Variants in RIPOR3 observed in about 807,000 individuals in gnomAD.
RIPOR3 encodes the protein RIPOR family member 3.
In RIPOR3, 95 loss-of-function variants were observed where a neutral mutation model predicts 114.3. That is an observed-to-expected ratio of 0.83 (90% CI 0.70 to 0.99). The LOEUF (loss-of-function observed/expected upper bound fraction) is 0.99. RIPOR3 is among the 50% of genes least tolerant of loss of function. The probability of loss-of-function intolerance (pLI) is 0.00; values close to 1 mark genes in which losing one functional copy is unlikely to be tolerated. For synonymous variants in RIPOR3, 575 were observed against 543.8 expected (o/e 1.06, Z -0.80); for missense variants, 1,252 against 1,266.9 (o/e 0.99, Z 0.18).
intron 20 of RIPOR3, among the ~76,000 whole-genome samples, chr20:50,589,049 T>A (rs1178165467): frequency 8.2e-6 from 1 of 121,340 alleles, no homozygotes; most frequent in African/African-American, 3.2e-5. Context: ...GCCACTGCAC[T>A]CCAGCCTGGG....
chr20:50,591,528 A>G (rs1483228845), intron 19 of RIPOR3, among the ~76,000 whole-genome samples: 1 of 152,188 alleles, frequency 6.6e-6, no homozygotes, highest in Non-Finnish European at 1.5e-5. Flanking sequence ...AAAAACAACC[A>G]CAAAGTAGGC....
At chr20:50,678,357 A>G (rs2086743705) in intron 1 of RIPOR3, among the ~76,000 whole-genome samples, 1 of 152,210 alleles carries the variant, frequency 6.6e-6, no homozygotes, top group Admixed American at 6.5e-5. Flanking sequence ...AGATGGACAC[A>G]GCAGGAATCT....
At chr20:50,663,523 A>G (rs2086076671) in intron 1 of RIPOR3, among the ~76,000 whole-genome samples, 1 of 152,132 alleles carries the variant, frequency 6.6e-6, no homozygotes, top group African/African-American at 2.4e-5. Context: ...TTAGGATAAC[A>G]TATGTGAAGG....
chr20:50,665,707 A>G (rs990790073), intron 1 of RIPOR3, among the ~76,000 whole-genome samples: 8 of 152,088 alleles, frequency 5.3e-5, no homozygotes, highest in Non-Finnish European at 1.0e-4. Context: ...GGCATGAGCC[A>G]CTGTGCCTGC....
chr20:50,596,961 TTTTTCTTTTTC>T (rs2083314249), intron 14 of RIPOR3: 1 of 151,388 alleles, frequency 6.6e-6, no homozygotes, highest in South Asian at 2.1e-4. Context: ...AAGAGCTTTT[TTTTTCTTTTTC>T]TTTTTCTTTT....
intron 1 of RIPOR3, among the ~76,000 whole-genome samples, chr20:50,678,513 T>C (rs78746278): frequency 6.7e-4 from 102 of 152,302 alleles, no homozygotes; most frequent in Non-Finnish European, 1.2e-3. Context: ...GCCAAGGTTA[T>C]CATGGGGTTC....
intron 2 of RIPOR3, among the ~76,000 whole-genome samples, chr20:50,622,802 G>A (rs1228537706): frequency 6.6e-6 from 1 of 152,156 alleles, no homozygotes; most frequent in African/African-American, 2.4e-5. Context: ...CCAAGGCTCT[G>A]TCTTTTCACT....
At chr20:50,606,009 G>C (rs887655515) in intron 11 of RIPOR3, among the ~76,000 whole-genome samples, 1 of 152,160 alleles carries the variant, frequency 6.6e-6, no homozygotes, top group African/African-American at 2.4e-5. Context: ...TTCGAGACCA[G>C]CCTGGCCAAC....
At chr20:50,597,380 T>C (rs2083329545) in intron 14 of RIPOR3, 200 bp downstream of exon 14, 1 of 703,788 alleles carries the variant, frequency 1.4e-6, no homozygotes. Context: ...TCTCACCCAC[T>C]TCGTGGTCTC....
In RIPOR3 at chr20:50,620,033, C is replaced by T. The variant is rs2084337675; in HGVS notation, c.222G>A (p.Lys74=). 3.7e-6 allele frequency: 6 copies of T among 1,613,820 alleles called. No individual in the cohort carries two copies. The highest frequency in any genetic ancestry group is 5.1e-6 in the Non-Finnish European group (6 of 1,179,702). ...CGAAGATCTTCTTCACCTGCTGGGG[C>T]TTCGGGTCTGCACAGACCGACCCCT... ...LRKGSVCADP[K]PQQVKKIFEA... Residue 74 remains lysine, a synonymous_variant, in exon 3 of 22, where the codon AAG becomes AAA. Coordinates refer to ENST00000327979, the MANE Select transcript of RIPOR3 (RefSeq NM_001290268.2).
At chr20:50,608,002 G>A (rs1256469079) in intron 11 of RIPOR3, among the ~76,000 whole-genome samples, 44 of 152,282 alleles carry the variant, frequency 2.9e-4, no homozygotes, top group South Asian at 2.1e-4. Flanking sequence ...GCAGGTGACC[G>A]CTCAGCCCCA....
chr20:50,606,272 G>A (rs1343549903), intron 11 of RIPOR3, among the ~76,000 whole-genome samples: 6 of 152,250 alleles, frequency 3.9e-5, no homozygotes, highest in Admixed American at 6.5e-5. Context: ...GATGGTGAGG[G>A]ACAGTGACTG....
intron 6 of RIPOR3, among the ~76,000 whole-genome samples, chr20:50,610,041 CT>C (rs1198467511): frequency 1.6e-5 from 2 of 129,018 alleles, no homozygotes; most frequent in African/African-American, 2.9e-5. Flanking sequence ...CCTGCCACCC[CT>C]GCCTCCCCTG....
At chr20:50,676,591 G>C (rs1404576217) in intron 1 of RIPOR3, among the ~76,000 whole-genome samples, 1 of 151,984 alleles carries the variant, frequency 6.6e-6, no homozygotes, top group Non-Finnish European at 1.5e-5. Flanking sequence ...GGTCAAGGCT[G>C]CAGTGAGCCG....
In RIPOR3 at chr20:50,666,443, C is replaced by T. The variant is rs921780490; in HGVS notation, c.3+24683G>A. Reference sequence around the variant, plus strand: ...TTTCGCCTGTTGCTCAGGCTGGTCTCGAATTCCTGACCTCAGGTGATCCAC... The same window carrying T: ...TTTCGCCTGTTGCTCAGGCTGGTCTTGAATTCCTGACCTCAGGTGATCCAC... On this transcript the variant is annotated intron_variant, in intron 1 of 21. Transcript: ENST00000327979. Among the ~76,000 whole-genome samples the T allele has an allele frequency of 2.6e-5, 4 of 151,306 alleles. No individual in the cohort carries two copies. In the South Asian group the frequency reaches 8.4e-4, roughly 32 times the overall value.
Position 50,593,165 on chromosome 20 carries a change from G to A in RIPOR3, c.2244C>T (p.Ser748=), listed in dbSNP as rs373335874. ...CAGCTCCGGGGAGCAGCCCACCACA[G>A]CTGACCACCTGCTCCAGGAGCCTGC... ...ACRRLLEQVV[S]CGGLLPGAGL... The change falls in exon 18 of 22, where the codon AGC becomes AGT. Residue 748 remains serine, a synonymous_variant. Coordinates refer to ENST00000327979, the MANE Select transcript of RIPOR3 (RefSeq NM_001290268.2). 8.6e-5 allele frequency: 139 copies of A among 1,613,456 alleles called. No individual in the cohort carries two copies. The highest frequency in any genetic ancestry group is 1.1e-4 in the Non-Finnish European group (127 of 1,180,036).
At chr20:50,618,123 C>T (rs145500166) in intron 3 of RIPOR3, among the ~76,000 whole-genome samples, 3 of 151,542 alleles carry the variant, frequency 2.0e-5, no homozygotes, top group Admixed American at 1.3e-4. Flanking sequence ...ACAAATTAGC[C>T]GGGCGTGGTG....
At chr20:50,635,735 G>A (rs2084961716) in intron 1 of RIPOR3, among the ~76,000 whole-genome samples, 1 of 152,342 alleles carries the variant, frequency 6.6e-6, no homozygotes, top group African/African-American at 2.4e-5. Context: ...GGACGGAAAT[G>A]AGTCCTCCGA....
At chr20:50,620,819 G>A (rs777610117) in intron 2 of RIPOR3, 48 of 1,020,166 alleles carry the variant, frequency 4.7e-5, no homozygotes, top group Admixed American at 1.6e-4. Flanking sequence ...GACCAAGAAC[G>A]TGAGCAAGCC....
Sources: allele counts gnomAD v4.1 joint callset (sites outside exome capture counted in the v4.1 genomes callset), GRCh38; gene constraint gnomAD v4.1.1; transcripts MANE v1.5; gene names NCBI Gene and HGNC (gene_info 2026-07-23, HGNC 2026-07-21).